Variants in PKNOX2 observed in about 807,000 individuals in gnomAD.
PKNOX2 encodes PBX/knotted 1 homeobox 2.
A neutral mutation model predicts 53.1 loss-of-function variants in PKNOX2; 14 were observed. The observed-to-expected ratio is 0.26, with a 90% CI of 0.17 to 0.41. The LOEUF (loss-of-function observed/expected upper bound fraction) is 0.41, where lower values mean the gene tolerates loss of function less well. Ranked by LOEUF, PKNOX2 falls within the 10% of genes least tolerant of loss-of-function variation. PKNOX2 has a pLI of 1.00. For missense variants in PKNOX2, 496 were observed against 602.8 expected, an observed-to-expected ratio of 0.82 and a Z score of 1.85; for synonymous variants, 257 against 242.8, an observed-to-expected ratio of 1.06 and a Z score of -0.54.
intron 1 of PKNOX2, among the ~76,000 whole-genome samples, chr11:125,234,839 G>A (rs1942529760): frequency 6.6e-6 from 1 of 152,090 alleles, no homozygotes. Context: ...CTCTCGCTCT[G>A]CCCTGATTAG....
At chr11:125,270,351 C>T (rs906497156) in intron 2 of PKNOX2, among the ~76,000 whole-genome samples, 1 of 152,192 alleles carries the variant, frequency 6.6e-6, no homozygotes, top group Admixed American at 6.5e-5. Flanking sequence ...GACTGCAGGT[C>T]CTGCCATGAC....
intron 10 of PKNOX2, among the ~76,000 whole-genome samples, chr11:125,413,926 C>A (rs7108218): frequency 0.047 from 7,140 of 152,224 alleles, 495 homozygotes; most frequent in African/African-American, 0.16. Context: ...ACTGACTCTC[C>A]TCACCCTATC....
At position 125,428,615 on chromosome 11, in the gene PKNOX2, C is replaced by T. The variant is rs143593383; in HGVS notation, c.937-397C>T. ...AAATTGATCCATTCACCCCGCCTAC[C>T]ACCTTCTATGGGCGTTTGAGGCCAT... On this transcript the variant is annotated intron_variant, in intron 10 of 12. Transcript: ENST00000298282. 7.0e-3 allele frequency among the ~76,000 whole-genome samples: 1,068 copies of T among 152,270 alleles called. 14 individuals carry two copies. Among genetic ancestry groups the T allele is most frequent in the African/African-American group, 0.025 (1,025 of 41,538 alleles).
intron 2 of PKNOX2, among the ~76,000 whole-genome samples, chr11:125,330,950 C>T (rs960287006): frequency 3.3e-5 from 5 of 152,212 alleles, no homozygotes; most frequent in African/African-American, 1.2e-4. Context: ...GGCAGGCCCT[C>T]CTGGCCAGCG....
chr11:125,321,965 C>A (rs958822328), intron 2 of PKNOX2, among the ~76,000 whole-genome samples: 3 of 152,120 alleles, frequency 2.0e-5, no homozygotes, highest in Non-Finnish European at 2.9e-5. Context: ...ATAAGGCCAC[C>A]AATCCCATTG....
chr11:125,180,505 A>C (rs558593218), intron 1 of PKNOX2, among the ~76,000 whole-genome samples: 1 of 152,330 alleles, frequency 6.6e-6, no homozygotes, highest in Non-Finnish European at 1.5e-5. Flanking sequence ...GAACTAAGTC[A>C]TTGGTCTTTG....
At chr11:125,374,418 G>A (rs539943965) in intron 5 of PKNOX2, among the ~76,000 whole-genome samples, 2 of 152,196 alleles carry the variant, frequency 1.3e-5, no homozygotes, top group Non-Finnish European at 2.9e-5. Flanking sequence ...ACTGGCACCT[G>A]AGGTAACATC....
intron 2 of PKNOX2, chr11:125,266,521 G>T (rs1242785340): frequency 6.6e-6 from 1 of 152,178 alleles, no homozygotes; most frequent in Non-Finnish European, 1.5e-5. Flanking sequence ...CAGGAAGGGG[G>T]TATTAATTTT....
chr11:125,401,670 G>A (rs1954758443), intron 7 of PKNOX2, among the ~76,000 whole-genome samples: 1 of 152,174 alleles, frequency 6.6e-6, no homozygotes, highest in Non-Finnish European at 1.5e-5. Context: ...GAGGCCCAGG[G>A]CTGCTAAGAA....
chr11:125,217,843 A>T (rs1380720631), intron 1 of PKNOX2, among the ~76,000 whole-genome samples: 1 of 152,210 alleles, frequency 6.6e-6, no homozygotes, highest in East Asian at 1.9e-4. Flanking sequence ...TGATCCCTCC[A>T]TCACAAATAA....
chr11:125,221,925 C>T (rs560156219), intron 1 of PKNOX2, among the ~76,000 whole-genome samples: 11 of 152,256 alleles, frequency 7.2e-5, no homozygotes, highest in Non-Finnish European at 1.3e-4. Flanking sequence ...CACTTGCTGT[C>T]GCCTGGTTGC....
intron 2 of PKNOX2, among the ~76,000 whole-genome samples, chr11:125,303,323 C>CG (rs939756817): frequency 2.6e-5 from 4 of 152,308 alleles, no homozygotes; most frequent in Admixed American, 6.5e-5. Flanking sequence ...GATGAGCAAA[C>CG]GGGGGTACAG....
chr11:125,179,449 C>T (rs754851694), intron 1 of PKNOX2, among the ~76,000 whole-genome samples: 2 of 152,120 alleles, frequency 1.3e-5, no homozygotes, highest in African/African-American at 2.4e-5. Context: ...AAGGGAGACA[C>T]GGCAAAACTG....
chr11:125,404,568 AC>A (rs1430142247), intron 7 of PKNOX2, among the ~76,000 whole-genome samples: 2 of 151,802 alleles, frequency 1.3e-5, no homozygotes, highest in Non-Finnish European at 2.9e-5. Context: ...GACAGGGACA[AC>A]CTCTCCACCC....
chr11:125,279,089 G>A (rs2135837575), intron 2 of PKNOX2, among the ~76,000 whole-genome samples: 1 of 152,350 alleles, frequency 6.6e-6, no homozygotes, highest in Non-Finnish European at 1.5e-5. Context: ...GGAAACCAGA[G>A]AGCTTAGATT....
At chr11:125,261,542 C>T (rs963847275) in intron 2 of PKNOX2, among the ~76,000 whole-genome samples, 18 of 152,186 alleles carry the variant, frequency 1.2e-4, no homozygotes, top group African/African-American at 4.3e-4. Context: ...AGACTTCTTC[C>T]ACATGCTCCC....
At chr11:125,202,825 T>A (rs1233259050) in intron 1 of PKNOX2, among the ~76,000 whole-genome samples, 1 of 152,186 alleles carries the variant, frequency 6.6e-6, no homozygotes, top group East Asian at 1.9e-4. Flanking sequence ...AACAATTATT[T>A]TTTTCTTTTT....
chr11:125,215,237 A>T (rs1000580017), intron 1 of PKNOX2, among the ~76,000 whole-genome samples: 21 of 152,104 alleles, frequency 1.4e-4, no homozygotes, highest in African/African-American at 5.1e-4. Flanking sequence ...TGCAGTAATC[A>T]TTGGTTTTCT....
At chr11:125,374,645 T>C (rs1020050931) in intron 5 of PKNOX2, among the ~76,000 whole-genome samples, 1 of 152,076 alleles carries the variant, frequency 6.6e-6, no homozygotes, top group East Asian at 1.9e-4. Flanking sequence ...TCAGGAGTGG[T>C]TGGTCGTGCT....
Sources: allele counts gnomAD v4.1 joint callset (sites outside exome capture counted in the v4.1 genomes callset), GRCh38; gene constraint gnomAD v4.1.1; transcripts MANE v1.5; gene names NCBI Gene and HGNC (gene_info 2026-07-23, HGNC 2026-07-21).